FSIP1: variants seen among roughly 807,000 people sequenced by gnomAD.
FSIP1 encodes fibrous sheath interacting protein 1.
FSIP1 carries 65 observed loss-of-function variants against 60.9 expected under a neutral mutation model. The observed-to-expected ratio is 1.07, with a 90% confidence interval of 0.87 to 1.31. FSIP1 has a LOEUF of 1.31. Ranked by LOEUF, FSIP1 falls within the 40% of genes most tolerant of loss-of-function variation. The pLI, the probability that FSIP1 is intolerant of heterozygous loss-of-function variation, is 0.00. For synonymous variants in FSIP1, 209 were observed against 221.2 expected (o/e 0.94, Z 0.49); for missense variants, 675 against 665.5 (o/e 1.01, Z -0.16).
chr15:39,765,920 A>G (rs959086030), intron 3 of FSIP1, among the ~76,000 whole-genome samples, 174 bp from the exon 4 acceptor site: 1 of 152,254 alleles, frequency 6.6e-6, no homozygotes, highest in Non-Finnish European at 1.5e-5. Flanking sequence ...GTTTGTCTAT[A>G]TAATTATCTA....
At chr15:39,638,516 C>T (rs10520141) in intron 10 of FSIP1, among the ~76,000 whole-genome samples, 24,484 of 152,160 alleles carry the variant, frequency 0.16, 2,182 homozygotes, top group African/African-American at 0.2. Context: ...TAGAAACACA[C>T]GGCGATTTCT....
intron 10 of FSIP1, among the ~76,000 whole-genome samples, chr15:39,646,616 G>C (rs1177451720): frequency 6.7e-6 from 1 of 148,446 alleles, no homozygotes; most frequent in African/African-American, 2.5e-5. Flanking sequence ...GAGTACTTGA[G>C]CCCAGGAGTT....
intron 10 of FSIP1, among the ~76,000 whole-genome samples, chr15:39,684,969 G>T (rs1376108727): frequency 6.6e-6 from 1 of 152,154 alleles, no homozygotes; most frequent in Non-Finnish European, 1.5e-5. Context: ...CAGGCAATCT[G>T]GCTCCGTACT....
chr15:39,634,343 T>C (rs1366983584), intron 10 of FSIP1, among the ~76,000 whole-genome samples: 4 of 152,200 alleles, frequency 2.6e-5, no homozygotes, highest in Non-Finnish European at 5.9e-5. Flanking sequence ...TCTCCTTCTA[T>C]TGTCTCTTAA....
intron 1 of FSIP1, among the ~76,000 whole-genome samples, chr15:39,779,602 G>C (rs1451330500): frequency 1.3e-5 from 2 of 152,074 alleles, no homozygotes; most frequent in Non-Finnish European, 2.9e-5. Context: ...TTTTTCACCA[G>C]TACATAATGA....
chr15:39,632,323 C>T (rs546774733), intron 10 of FSIP1, among the ~76,000 whole-genome samples: 7 of 152,140 alleles, frequency 4.6e-5, no homozygotes, highest in East Asian at 3.9e-4. Context: ...ACTACAGATA[C>T]GCACCACCAT....
At chr15:39,613,054 TA>T (rs1891092864) in intron 11 of FSIP1, among the ~76,000 whole-genome samples, 1 of 152,004 alleles carries the variant, frequency 6.6e-6, no homozygotes, top group Admixed American at 6.6e-5. Context: ...CAATTTAAAA[TA>T]CACAACTAGA....
At chr15:39,782,274 G>C (rs1257044306) in intron 1 of FSIP1, among the ~76,000 whole-genome samples, 4 of 152,122 alleles carry the variant, frequency 2.6e-5, no homozygotes, top group South Asian at 2.1e-4. Context: ...TTTGCTGTTT[G>C]CATCTTTTTA....
Position 39,600,714 on chromosome 15 carries a change from G to T in FSIP1, c.*166C>A. On this transcript the variant is annotated 3_prime_UTR_variant, in exon 12 of 12. Coordinates refer to ENST00000350221, the MANE Select transcript of FSIP1 (RefSeq NM_152597.5). ...AAACCACTGAACAATTACACCCCAA[G>T]TCTCAAAAATATCAAGGAAATATAA... is the stretch of plus-strand genomic sequence containing the variant. 1.8e-6 allele frequency: 1 copy of T among 542,048 alleles called. No homozygotes were observed. The highest frequency in any genetic ancestry group is 3.2e-6 in the Non-Finnish European group (1 of 310,202). The allele number at this position is 542,048 out of a possible 1,614,324, so 33.6% of individuals were successfully genotyped here.
intron 10 of FSIP1, among the ~76,000 whole-genome samples, chr15:39,691,702 GTACTGGAC>G (rs1243634064): frequency 2.9e-4 from 44 of 152,268 alleles, no homozygotes; most frequent in Middle Eastern, 3.4e-3. Context: ...GGCTGGGGAA[GTACTGGAC>G]TGAAAGTGAT....
chr15:39,780,389 G>A (rs905364556), intron 1 of FSIP1, among the ~76,000 whole-genome samples: 17 of 152,156 alleles, frequency 1.1e-4, no homozygotes, highest in African/African-American at 4.1e-4. Context: ...GCCGGGAGTG[G>A]TGATGGGCGC....
At chr15:39,722,868 T>C (rs1004521963) in intron 9 of FSIP1, among the ~76,000 whole-genome samples, 1 of 151,912 alleles carries the variant, frequency 6.6e-6, no homozygotes, top group African/African-American at 2.4e-5. Context: ...AGGTAAAGGC[T>C]GCAGCAAGCC....
At chr15:39,686,376 T>C (rs1894374653) in intron 10 of FSIP1, among the ~76,000 whole-genome samples, 1 of 152,246 alleles carries the variant, frequency 6.6e-6, no homozygotes, top group Admixed American at 6.5e-5. Flanking sequence ...AATTAAAAAC[T>C]TTTCCCATTA....
intron 8 of FSIP1, 64 bp downstream of exon 8, chr15:39,738,027 C>A (rs756040726): frequency 2.2e-6 from 2 of 914,440 alleles, no homozygotes; most frequent in Non-Finnish European, 3.3e-6. Flanking sequence ...GATACTGGGC[C>A]AATAATATTA....
intron 10 of FSIP1, among the ~76,000 whole-genome samples, chr15:39,700,779 T>C (rs1221124855): frequency 6.6e-6 from 1 of 152,224 alleles, no homozygotes; most frequent in African/African-American, 2.4e-5. Context: ...CTTGAGCATC[T>C]GCAAAGGATG....
At chr15:39,761,960 C>G (rs1897514589) in intron 5 of FSIP1, among the ~76,000 whole-genome samples, 1 of 152,214 alleles carries the variant, frequency 6.6e-6, no homozygotes, top group Non-Finnish European at 1.5e-5. Flanking sequence ...TTTATCTCTG[C>G]TCCACTATGA....
chr15:39,642,555 G>T (rs148970476), intron 10 of FSIP1, among the ~76,000 whole-genome samples: 3 of 152,162 alleles, frequency 2.0e-5, no homozygotes, highest in African/African-American at 7.2e-5. Flanking sequence ...ATGCACACAC[G>T]TGTTTTCAGC....
In FSIP1 at chr15:39,600,322, A is replaced by T. The variant is rs2140356601; in HGVS notation, c.*558T>A. ...ACTATTATTAACAAAGTAATATATCAAATAATTCACTCAAACTCCTACTTA... is the reference window on the plus strand; with the variant it reads ...ACTATTATTAACAAAGTAATATATCTAATAATTCACTCAAACTCCTACTTA... On this transcript the variant is annotated 3_prime_UTR_variant, in exon 12 of 12. Coordinates refer to ENST00000350221, the MANE Select transcript of FSIP1 (RefSeq NM_152597.5). 6.6e-6 allele frequency: 1 copy of T among 152,372 alleles called. No homozygotes were observed. Among genetic ancestry groups the T allele is most frequent in the South Asian group, 2.1e-4 (1 of 4,834 alleles). 9.4% of individuals were successfully genotyped at this position (152,372 alleles called of 1,614,324 possible). A position where few individuals can be genotyped will look rare whatever the true frequency, so the allele number is the denominator to read the frequency against.
intron 10 of FSIP1, among the ~76,000 whole-genome samples, chr15:39,696,646 G>T (rs1319374178): frequency 6.6e-6 from 1 of 152,094 alleles, no homozygotes; most frequent in Non-Finnish European, 1.5e-5. Flanking sequence ...CTCTGTCATG[G>T]TTTATAATAA....
Sources: allele counts gnomAD v4.1 joint callset (sites outside exome capture counted in the v4.1 genomes callset), GRCh38; gene constraint gnomAD v4.1.1; transcripts MANE v1.5; gene names NCBI Gene and HGNC (gene_info 2026-07-23, HGNC 2026-07-21).